SAMTOR: variants seen among roughly 807,000 people sequenced by gnomAD.
SAMTOR encodes the protein S-adenosylmethionine sensor upstream of mTORC1, also known as UPF0532 protein C7orf60.
chr7:112,881,883 C>T, the SAMTOR span, among the ~76,000 whole-genome samples: 1 of 152,234 alleles, frequency 6.6e-6, no homozygotes, highest in African/African-American at 2.4e-5. Context: ...CTGAACAAAA[C>T]AGGAGGCTGA....
the SAMTOR span, among the ~76,000 whole-genome samples, chr7:112,913,878 T>G: frequency 6.6e-6 from 1 of 152,184 alleles, no homozygotes; most frequent in Non-Finnish European, 1.5e-5. Flanking sequence ...TAGTTTTCCT[T>G]GCTTTATTTT....
At chr7:112,902,124 C>T in the SAMTOR span, among the ~76,000 whole-genome samples, 56,752 of 151,646 alleles carry the variant, frequency 0.37, 12,073 homozygotes, top group Non-Finnish European at 0.49. Flanking sequence ...GGTTGCAGGC[C>T]GGGCGTGGTG....
chr7:112,825,442 TA>T, the SAMTOR span, among the ~76,000 whole-genome samples: 92 of 152,362 alleles, frequency 6.0e-4, no homozygotes, highest in African/African-American at 2.1e-3. Context: ...AAACATTTCA[TA>T]TTTTTGATGC....
At chr7:112,870,206 G>C in the SAMTOR span, among the ~76,000 whole-genome samples, 1 of 152,130 alleles carries the variant, frequency 6.6e-6, no homozygotes, top group Non-Finnish European at 1.5e-5. Flanking sequence ...GAGAAGTCCT[G>C]TGAGATACTA....
At chr7:112,916,018 T>C in the SAMTOR span, among the ~76,000 whole-genome samples, 400 of 152,340 alleles carry the variant, frequency 2.6e-3, 1 homozygote, top group Non-Finnish European at 4.5e-3. Context: ...AGTAAATATT[T>C]CTATTTACAC....
chr7:112,843,495 AAAG>A, the SAMTOR span, among the ~76,000 whole-genome samples: 11 of 151,956 alleles, frequency 7.2e-5, no homozygotes, highest in Non-Finnish European at 1.5e-4. Flanking sequence ...TACATTCATA[AAAG>A]AAGGAATTGC....
chr7:112,934,590 A>T, the SAMTOR span, among the ~76,000 whole-genome samples: 1 of 152,136 alleles, frequency 6.6e-6, no homozygotes, highest in Non-Finnish European at 1.5e-5. Context: ...TTAACTTTAG[A>T]TCAGGTTAGT....
the SAMTOR span, among the ~76,000 whole-genome samples, chr7:112,934,603 A>G: frequency 1.3e-5 from 2 of 152,182 alleles, no homozygotes; most frequent in Non-Finnish European, 2.9e-5. Context: ...AGGTTAGTAT[A>G]AAAGCCTCCT....
the SAMTOR span, among the ~76,000 whole-genome samples, chr7:112,931,649 A>G: frequency 3.9e-5 from 6 of 152,224 alleles, no homozygotes; most frequent in Non-Finnish European, 8.8e-5. Flanking sequence ...CATATGTTCA[A>G]TTAAAAAGTC....
chr7:112,884,811 T>G, the SAMTOR span, among the ~76,000 whole-genome samples: 3 of 152,146 alleles, frequency 2.0e-5, no homozygotes, highest in African/African-American at 4.8e-5. Context: ...TTCCTAAAAC[T>G]CTGCTAGGCA....
the SAMTOR span, among the ~76,000 whole-genome samples, chr7:112,848,175 G>C: frequency 1.3e-5 from 2 of 151,910 alleles, no homozygotes; most frequent in Non-Finnish European, 2.9e-5. Flanking sequence ...TCTTCTGAAA[G>C]ACAATAAATA....
At chr7:112,838,438 G>T in the SAMTOR span, among the ~76,000 whole-genome samples, 2 of 151,824 alleles carry the variant, frequency 1.3e-5, no homozygotes, top group East Asian at 1.9e-4. Context: ...AAGGTATTTT[G>T]TTATTTTCAT....
chr7:112,852,762 T>C, the SAMTOR span, among the ~76,000 whole-genome samples: 2 of 152,092 alleles, frequency 1.3e-5, no homozygotes, highest in Non-Finnish European at 2.9e-5. Context: ...AAATCTAATT[T>C]GTCATGTTAA....
the SAMTOR span, among the ~76,000 whole-genome samples, chr7:112,923,528 T>A: frequency 0.011 from 1,645 of 151,972 alleles, 31 homozygotes; most frequent in African/African-American, 0.037. Flanking sequence ...TAAAAAAAAA[T>A]TAAGTCAGGA....
chr7:112,899,328 A>C, the SAMTOR span, among the ~76,000 whole-genome samples: 1 of 152,048 alleles, frequency 6.6e-6, no homozygotes, highest in Non-Finnish European at 1.5e-5. Context: ...AACAGAATTG[A>C]TCAAGCAGAA....
chr7:112,882,141 C>T, the SAMTOR span, among the ~76,000 whole-genome samples: 31,013 of 152,188 alleles, frequency 0.2, 3,607 homozygotes, highest in Middle Eastern at 0.4. Context: ...CTGCATGCCC[C>T]GCCACAGCAG....
At chr7:112,921,509 G>C in the SAMTOR span, among the ~76,000 whole-genome samples, 27 of 150,364 alleles carry the variant, frequency 1.8e-4, no homozygotes, top group African/African-American at 6.4e-4. Flanking sequence ...AGAAAACCTA[G>C]GCATTACCAT....
At chr7:112,929,834 G>A in the SAMTOR span, among the ~76,000 whole-genome samples, 43 of 151,966 alleles carry the variant, frequency 2.8e-4, no homozygotes, top group Non-Finnish European at 5.0e-4. Context: ...CAAAACTTAC[G>A]GAATTATATA....
the SAMTOR span, among the ~76,000 whole-genome samples, chr7:112,910,129 C>T: frequency 1.3e-5 from 2 of 151,742 alleles, no homozygotes; most frequent in African/African-American, 4.8e-5. Flanking sequence ...CTCCTGCTGC[C>T]TAATATGAAA....
Sources: gnomAD v4.1 joint callset for allele counts (sites outside exome capture counted in the v4.1 genomes callset) on GRCh38, gnomAD v4.1.1 for gene constraint, MANE v1.5 for transcripts, NCBI Gene and HGNC (gene_info 2026-07-23, HGNC 2026-07-21) for gene names.